Variants in FMN2 observed in about 807,000 individuals in gnomAD.
FMN2 encodes the protein formin-2.
In FMN2, 51 loss-of-function variants were observed where a neutral mutation model predicts 142.3. The observed-to-expected ratio is 0.36, with a 90% CI of 0.29 to 0.45. The LOEUF (loss-of-function observed/expected upper bound fraction) is 0.45, where lower values mean the gene tolerates loss of function less well. FMN2 is among the 20% of genes least tolerant of loss of function. FMN2 has a pLI of 1.00. For synonymous variants in FMN2, 882 were observed against 869.8 expected (o/e 1.01, Z -0.25); for missense variants, 1,936 against 2,122.8 (o/e 0.91, Z 1.73).
At chr1:240,435,612 C>T (rs1263720290) in intron 15 of FMN2, among the ~76,000 whole-genome samples, 1 of 152,072 alleles carries the variant, frequency 6.6e-6, no homozygotes, top group Non-Finnish European at 1.5e-5. Context: ...CATTTTTACC[C>T]ATTGGACTTC....
intron 14 of FMN2, among the ~76,000 whole-genome samples, chr1:240,368,347 C>A (rs1672751733): frequency 6.6e-6 from 1 of 152,146 alleles, no homozygotes; most frequent in Admixed American, 6.5e-5. Context: ...TCAAGGCTTT[C>A]TATCTATGAA....
chr1:240,217,485 A>T (rs765680677), intron 6 of FMN2, among the ~76,000 whole-genome samples: 1 of 152,186 alleles, frequency 6.6e-6, no homozygotes, highest in African/African-American at 2.4e-5. Flanking sequence ...TGTTTTGGGG[A>T]TACATAATAA....
At chr1:240,156,214 C>T (rs1032467275) in intron 2 of FMN2, among the ~76,000 whole-genome samples, 2 of 152,112 alleles carry the variant, frequency 1.3e-5, no homozygotes, top group African/African-American at 2.4e-5. Flanking sequence ...TGCACCACTG[C>T]ACTCTAGCCT....
At position 240,116,282 on chromosome 1, in the gene FMN2, G is replaced by T. The variant is rs540154765; in HGVS notation, c.1616-6897G>T. Reference sequence around the variant, plus strand: ...CCCATGCATTCCGTCCAGGTATGGGGCCCCTTCTTCCATACTCTGTTAGTG... The same window carrying T: ...CCCATGCATTCCGTCCAGGTATGGGTCCCCTTCTTCCATACTCTGTTAGTG... On this transcript the variant is annotated intron_variant, in intron 1 of 17. Coordinates refer to ENST00000319653, the MANE Select transcript of FMN2 (RefSeq NM_020066.5). Among the ~76,000 whole-genome samples, 141 of 152,282 alleles carry T rather than the reference G, an allele frequency of 9.3e-4. 1 individual carries two copies. The highest frequency in any genetic ancestry group is 1.5e-3 in the Non-Finnish European group (104 of 68,028).
At chr1:240,156,786 C>T (rs1664042836) in intron 2 of FMN2, among the ~76,000 whole-genome samples, 1 of 152,166 alleles carries the variant, frequency 6.6e-6, no homozygotes, top group African/African-American at 2.4e-5. Flanking sequence ...GGAATTTGAA[C>T]ATCTACAGGT....
rs200364388 is a variant in FMN2, at chr1:240,092,727, G to T, written c.618G>T (p.Gln206His). ...LSDIQQAIRL[Q>H]QQQQQQLQLQ... ...ACATCCAGCAGGCGATCCGCCTGCA[G>T]CAGCAGCAGCAGCAGCAGCTCCAGC... The change falls in exon 1 of 18, where the codon CAG (glutamine) becomes CAT (histidine). Residue 206 changes from glutamine (Q) to histidine (H), a missense_variant. Transcript: ENST00000319653. 1 of 1,611,714 alleles carries T rather than the reference G, an allele frequency of 6.2e-7. No homozygotes were observed. The highest frequency in any genetic ancestry group is 1.7e-5 in the Admixed American group (1 of 59,970).
At position 240,093,396 on chromosome 1, in the gene FMN2, C is replaced by CAATCACTCCCCGTCTCAGTCCCCT. The variant is rs1661078755; in HGVS notation, c.1293_1316dup (p.His431_Asn438dup). On this transcript the variant is annotated inframe_insertion, in exon 1 of 18. Transcript: ENST00000319653. ...CCACCACCCGGCAGCTCAGCTCGCC[C>CAATCACTCCCCGTCTCAGTCCCCT]AATCACTCCCCGTCTCAGTCCCCTA... 1.2e-6 allele frequency: 2 copies of CAATCACTCCCCGTCTCAGTCCCCT among 1,613,438 alleles called. No individual in the cohort carries two copies. The highest frequency in any genetic ancestry group is 2.7e-5 in the African/African-American group (2 of 74,872).
At chr1:240,181,064 G>A (rs1212646751) in intron 3 of FMN2, among the ~76,000 whole-genome samples, 2 of 151,890 alleles carry the variant, frequency 1.3e-5, no homozygotes, top group Non-Finnish European at 2.9e-5. Flanking sequence ...GAGTGCAATG[G>A]CATGATCTCT....
chr1:240,228,327 A>AAAAAAGAAAAAG (rs1186396133), intron 6 of FMN2, among the ~76,000 whole-genome samples: 1 of 78,388 alleles, frequency 1.3e-5, no homozygotes, highest in Non-Finnish European at 2.3e-5. Context: ...AAAAAAAAAA[A>AAAAAAGAAAAAG]AAAAAGAAAA....
Position 240,330,639 on chromosome 1 carries a change from G to T in FMN2, c.4474G>T (p.Gly1492Cys), listed in dbSNP as rs774771902. ...TGGCCCAGGGGTTATGCAGGTTCTA[G>T]GTTTGGTTCTTGCCTTTGGCAACTA... ...KNGPGVMQVL[G>C]LVLAFGNYMN... Residue 1492 changes from glycine (G) to cysteine (C), a missense_variant, in exon 11 of 18, where the codon GGT (glycine) becomes TGT (cysteine). Coordinates refer to ENST00000319653, the MANE Select transcript of FMN2 (RefSeq NM_020066.5). 1.5e-5 allele frequency: 25 copies of T among 1,613,884 alleles called. No homozygotes were observed. Among genetic ancestry groups the T allele is most frequent in the Non-Finnish European group, 2.1e-5 (25 of 1,179,936 alleles).
intron 16 of FMN2, among the ~76,000 whole-genome samples, chr1:240,464,341 C>CA (rs11372894): frequency 0.031 from 4,765 of 152,208 alleles, 244 homozygotes; most frequent in African/African-American, 0.11. Context: ...GAATCTTTGA[C>CA]AGTCATCAAA....
chr1:240,195,816 G>A (rs1665889543), intron 4 of FMN2, among the ~76,000 whole-genome samples: 1 of 151,942 alleles, frequency 6.6e-6, no homozygotes, highest in Non-Finnish European at 1.5e-5. Flanking sequence ...CCAGGAGTCT[G>A]AGACTAGCAT....
At chr1:240,164,865 T>C (rs540437209) in intron 2 of FMN2, among the ~76,000 whole-genome samples, 1 of 152,314 alleles carries the variant, frequency 6.6e-6, no homozygotes, top group African/African-American at 2.4e-5. Flanking sequence ...GGAATGATCT[T>C]TCTATAGATA....
At chr1:240,331,074 A>G (rs936754100) in intron 11 of FMN2, among the ~76,000 whole-genome samples, 4 of 152,134 alleles carry the variant, frequency 2.6e-5, no homozygotes, top group Non-Finnish European at 5.9e-5. Flanking sequence ...GCTAATATTT[A>G]TCCTTTTGGA....
chr1:240,339,063 G>C (rs998301130), intron 13 of FMN2, among the ~76,000 whole-genome samples: 1 of 152,128 alleles, frequency 6.6e-6, no homozygotes, highest in South Asian at 2.1e-4. Context: ...GAGCTCAGGC[G>C]GTAATGCTTG....
intron 6 of FMN2, among the ~76,000 whole-genome samples, chr1:240,219,821 A>T (rs2103420203): frequency 1.3e-5 from 2 of 151,914 alleles, no homozygotes; most frequent in Admixed American, 1.3e-4. Context: ...AGCCTGGCTA[A>T]CTTTTTAATT....
At chr1:240,109,864 C>CTAT in intron 1 of FMN2, among the ~76,000 whole-genome samples, 1 of 151,936 alleles carries the variant, frequency 6.6e-6, no homozygotes. Context: ...ATTATTATTA[C>CTAT]TATTATTATT....
At chr1:240,216,812 A>G (rs1869997) in intron 6 of FMN2, among the ~76,000 whole-genome samples, 150,522 of 152,204 alleles carry the variant, frequency 0.99, 74,431 homozygotes, top group East Asian at 1. Context: ...AGCCGGGAGT[A>G]GTGGTGGATG....
chr1:240,243,412 C>T (rs1031482992), intron 6 of FMN2, among the ~76,000 whole-genome samples: 52 of 151,190 alleles, frequency 3.4e-4, no homozygotes, highest in Non-Finnish European at 1.3e-4. Flanking sequence ...AGAAATCACA[C>T]TTTGTAAATT....
Sources: allele counts gnomAD v4.1 joint callset (sites outside exome capture counted in the v4.1 genomes callset), GRCh38; gene constraint gnomAD v4.1.1; transcripts MANE v1.5; gene names NCBI Gene and HGNC (gene_info 2026-07-23, HGNC 2026-07-21).